Variants in EFNA5 observed in about 807,000 individuals in gnomAD.
The protein encoded by EFNA5 is ephrin-A5.
Under a neutral mutation model 22.9 loss-of-function variants are expected in EFNA5, and 5 were observed. The observed-to-expected ratio is 0.22, with a 90% CI of 0.11 to 0.46. The LOEUF is 0.46. EFNA5 is among the 20% of genes least tolerant of loss of function. The probability of loss-of-function intolerance (pLI) is 0.99; values close to 1 mark genes in which losing one functional copy is unlikely to be tolerated. For synonymous variants in EFNA5, 113 were observed against 112.2 expected, an observed-to-expected ratio of 1.01 and a Z score of -0.04; for missense variants, 237 against 293.3, an observed-to-expected ratio of 0.81 and a Z score of 1.40.
At chr5:107,546,487 G>A (rs1393292436) in intron 1 of EFNA5, among the ~76,000 whole-genome samples, 1 of 152,150 alleles carries the variant, frequency 6.6e-6, no homozygotes, top group Admixed American at 6.5e-5. Context: ...TACTGCGTCC[G>A]AAGCAGTGCA....
At chr5:107,634,992 A>G (rs1328269612) in intron 1 of EFNA5, among the ~76,000 whole-genome samples, 1 of 152,210 alleles carries the variant, frequency 6.6e-6, no homozygotes, top group African/African-American at 2.4e-5. Flanking sequence ...CTGGAATGAG[A>G]CTTCCATTAT....
chr5:107,599,649 A>T (rs1249625944), intron 1 of EFNA5, among the ~76,000 whole-genome samples: 1 of 152,264 alleles, frequency 6.6e-6, no homozygotes, highest in Non-Finnish European at 1.5e-5. Context: ...ACATGTAGTA[A>T]TCATAAATAT....
intron 2 of EFNA5, among the ~76,000 whole-genome samples, chr5:107,412,517 C>A (rs1748397005): frequency 6.6e-6 from 1 of 151,980 alleles, no homozygotes; most frequent in Admixed American, 6.6e-5. Context: ...ATAATTTATC[C>A]CATTTCATTT....
chr5:107,427,273 A>T lies in EFNA5; in HGVS notation c.362T>A (p.Phe121Tyr). The change falls in exon 2 of 5, where the codon TTC (phenylalanine) becomes TAC (tyrosine). Residue 121 changes from phenylalanine (F) to tyrosine (Y), a missense_variant. Physicochemically the swap from Phe to Tyr is conservative, Grantham distance 22. Coordinates refer to ENST00000333274, the MANE Select transcript of EFNA5 (RefSeq NM_001962.3). ...TTCAAATCCTAGAGAAAAGGGAGTG[A>T]AGAGCTGGAATTTTTCAGAGAACTT... ...PLKFSEKFQL[F>Y]TPFSLGFEFR... The T allele has an allele frequency of 6.2e-7, 1 of 1,614,144 alleles. No individual in the cohort carries two copies. The highest frequency in any genetic ancestry group is 1.3e-5 in the African/African-American group (1 of 75,040).
At chr5:107,488,336 A>G (rs2112409972) in intron 1 of EFNA5, among the ~76,000 whole-genome samples, 1 of 152,272 alleles carries the variant, frequency 6.6e-6, no homozygotes, top group Non-Finnish European at 1.5e-5. Context: ...ATGTTTCTGA[A>G]GTTTATTCAA....
chr5:107,663,291 T>C (rs1357276037), intron 1 of EFNA5, among the ~76,000 whole-genome samples: 1 of 152,076 alleles, frequency 6.6e-6, no homozygotes, highest in Non-Finnish European at 1.5e-5. Flanking sequence ...AATAAGCACT[T>C]AATCATATTT....
intron 1 of EFNA5, among the ~76,000 whole-genome samples, chr5:107,497,848 C>T (rs1428529861): frequency 1.3e-5 from 2 of 152,162 alleles, no homozygotes; most frequent in African/African-American, 4.8e-5. Flanking sequence ...TCATTCTGAA[C>T]AAAGGAGAGA....
rs114880139 is a variant in EFNA5, at chr5:107,450,481, C to A, written c.126-22972G>T. On this transcript the variant is annotated intron_variant, in intron 1 of 4. Coordinates refer to ENST00000333274, the MANE Select transcript of EFNA5 (RefSeq NM_001962.3). The stretch of plus-strand genomic sequence containing the variant: ...TCCTCCTAGTGTCCTTAAGCATGTG[C>A]AAAGCACTAATTCACACATAACATT... 6.8e-3 allele frequency among the ~76,000 whole-genome samples: 1,042 copies of A among 152,290 alleles called. 8 individuals carry two copies. The highest frequency in any genetic ancestry group is 0.01 in the Non-Finnish European group (686 of 68,024).
At chr5:107,649,979 C>G (rs1750697108) in intron 1 of EFNA5, among the ~76,000 whole-genome samples, 1 of 152,128 alleles carries the variant, frequency 6.6e-6, no homozygotes, top group Non-Finnish European at 1.5e-5. Context: ...ACCTCAAGTT[C>G]TTAAGCATCA....
At chr5:107,549,441 T>G (rs1371005074) in intron 1 of EFNA5, among the ~76,000 whole-genome samples, 1 of 152,198 alleles carries the variant, frequency 6.6e-6, no homozygotes, top group Non-Finnish European at 1.5e-5. Context: ...ATGCTCATAG[T>G]TTACCATACT....
chr5:107,482,862 CTCTCTCTCTATATA>C lies in EFNA5; in HGVS notation c.126-55367_126-55354del, dbSNP rs1482487988. ...TCTCTCTCTCTCTCTCTCTCTCTCT[CTCTCTCTCTATATA>C]TATATATATATATATATACATACAT... On this transcript the variant is annotated intron_variant, in intron 1 of 4. Coordinates refer to ENST00000333274, the MANE Select transcript of EFNA5 (RefSeq NM_001962.3). Among the ~76,000 whole-genome samples, 264 of 75,990 alleles carry C rather than the reference CTCTCTCTCTATATA, an allele frequency of 3.5e-3. 3 individuals are homozygous for C. The highest frequency in any genetic ancestry group is 0.022 in the East Asian group (42 of 1,952). 49.9% of individuals were successfully genotyped at this position (75,990 alleles called of 152,430 possible).
intron 1 of EFNA5, among the ~76,000 whole-genome samples, chr5:107,481,131 C>G (rs1157936137): frequency 3.3e-5 from 5 of 152,168 alleles, no homozygotes; most frequent in African/African-American, 2.4e-5. Flanking sequence ...AAGTTAGACT[C>G]TCCTGCTGAC....
At position 107,518,072 on chromosome 5, in the gene EFNA5, C is replaced by G. The variant is rs527302531; in HGVS notation, c.126-90563G>C. Among the ~76,000 whole-genome samples, 41 of 152,072 alleles carry G rather than the reference C, an allele frequency of 2.7e-4. 1 individual carries two copies. The highest frequency in any genetic ancestry group is 9.6e-4 in the African/African-American group (40 of 41,498). ...CTTCTGCTTTAGAATATTTCAAATA[C>G]AAAATTAGCAAGCCCCAGAGACTGG... On this transcript the variant is annotated intron_variant, in intron 1 of 4. Coordinates refer to ENST00000333274, the MANE Select transcript of EFNA5 (RefSeq NM_001962.3).
chr5:107,498,465 C>T (rs186014326), intron 1 of EFNA5, among the ~76,000 whole-genome samples: 2 of 152,328 alleles, frequency 1.3e-5, no homozygotes, highest in Admixed American at 1.3e-4. Context: ...TTACTTTCTA[C>T]TCCCCTGGAG....
intron 1 of EFNA5, among the ~76,000 whole-genome samples, chr5:107,591,992 TATATATA>T (rs1561443165): frequency 4.7e-5 from 2 of 42,176 alleles, no homozygotes; most frequent in South Asian, 4.1e-4. Context: ...TAATATATAA[TATATATA>T]ATATATAATA....
chr5:107,590,918 G>A (rs1251021790), intron 1 of EFNA5, among the ~76,000 whole-genome samples: 1 of 152,182 alleles, frequency 6.6e-6, no homozygotes, highest in African/African-American at 2.4e-5. Context: ...CTTGTAACCA[G>A]TTTGGTTCTT....
At chr5:107,515,173 T>G (rs1561419221) in intron 1 of EFNA5, among the ~76,000 whole-genome samples, 1 of 151,778 alleles carries the variant, frequency 6.6e-6, no homozygotes, top group Non-Finnish European at 1.5e-5. Flanking sequence ...TAGCTGGGAT[T>G]ACAGGCGACT....
chr5:107,444,998 T>C (rs758670924), intron 1 of EFNA5, among the ~76,000 whole-genome samples: 3 of 152,154 alleles, frequency 2.0e-5, no homozygotes, highest in South Asian at 2.1e-4. Flanking sequence ...CTGATAATCA[T>C]AGGACAAGAG....
intron 1 of EFNA5, among the ~76,000 whole-genome samples, chr5:107,482,862 C>CTATATATATA (rs1693070146): frequency 1.3e-5 from 1 of 75,994 alleles, no homozygotes; most frequent in African/African-American, 6.4e-5. Flanking sequence ...CTCTCTCTCT[C>CTATATATATA]TCTCTCTCTA....
Sources: gnomAD v4.1 joint callset for allele counts (sites outside exome capture counted in the v4.1 genomes callset) on GRCh38, gnomAD v4.1.1 for gene constraint, MANE v1.5 for transcripts, NCBI Gene and HGNC (gene_info 2026-07-23, HGNC 2026-07-21) for gene names.